ACSM3: variants seen among roughly 807,000 people sequenced by gnomAD.
ACSM3 encodes the protein acyl-coenzyme A synthetase ACSM3, mitochondrial.
ACSM3 carries 61 observed loss-of-function variants against 74.1 expected under a neutral mutation model. The observed-to-expected ratio is 0.82, with a 90% confidence interval of 0.67 to 1.02. ACSM3 has a LOEUF of 1.02. Among genes scored for constraint, ACSM3 ranks in the 50% least tolerant of loss-of-function variants. The pLI is 0.00. For synonymous variants in ACSM3, 213 were observed against 241.5 expected (o/e 0.88, Z 1.09); for missense variants, 660 against 697.0 (o/e 0.95, Z 0.60).
At chr16:20,755,028 T>C (rs1361241710) in intron 2 of ACSM3, among the ~76,000 whole-genome samples, 1 of 152,064 alleles carries the variant, frequency 6.6e-6, no homozygotes, top group Non-Finnish European at 1.5e-5. Context: ...CCAGTGTCCA[T>C]AGAGACCATG....
chr16:20,688,167 A>T (rs980474478), intron 1 of ACSM3, among the ~76,000 whole-genome samples: 1 of 152,164 alleles, frequency 6.6e-6, no homozygotes, highest in Non-Finnish European at 1.5e-5. Flanking sequence ...TAAATTGAAA[A>T]TTCACTAGGG....
At chr16:20,764,373 T>C (rs1052688212) in intron 1 of ACSM3, among the ~76,000 whole-genome samples, 3 of 152,224 alleles carry the variant, frequency 2.0e-5, no homozygotes, top group African/African-American at 7.2e-5. Flanking sequence ...TTGGTGCTAT[T>C]TGATTTTTTG....
chr16:20,711,564 T>G, intron 1 of ACSM3: 1 of 1,414,160 alleles, frequency 7.1e-7, no homozygotes, highest in Non-Finnish European at 9.8e-7. Flanking sequence ...TTGTGGCCAG[T>G]GAGGAGGTGG....
intron 1 of ACSM3, among the ~76,000 whole-genome samples, chr16:20,687,878 G>T (rs2079581436): frequency 6.6e-6 from 1 of 152,162 alleles, no homozygotes; most frequent in African/African-American, 2.4e-5. Context: ...GAGGTCAGGA[G>T]TTTGAGACCA....
chr16:20,734,700 T>C (rs2079854289), intron 1 of ACSM3: 1 of 152,232 alleles, frequency 6.6e-6, no homozygotes, highest in Non-Finnish European at 1.5e-5. Context: ...GCCTTTTCAA[T>C]TGTTTTACCC....
intron 1 of ACSM3, among the ~76,000 whole-genome samples, chr16:20,743,355 A>T (rs1348053681): frequency 3.9e-5 from 6 of 152,044 alleles, no homozygotes; most frequent in Admixed American, 6.6e-5. Context: ...TTTCACTTAA[A>T]ACCAAGGATG....
At chr16:20,699,294 C>A (rs1458609253) in intron 1 of ACSM3, among the ~76,000 whole-genome samples, 1 of 152,146 alleles carries the variant, frequency 6.6e-6, no homozygotes, top group East Asian at 1.9e-4. Flanking sequence ...GACTTTTCTA[C>A]TGGAGCCATT....
chr16:20,688,040 G>A (rs1185009618), intron 1 of ACSM3, among the ~76,000 whole-genome samples: 4 of 151,288 alleles, frequency 2.6e-5, no homozygotes, highest in African/African-American at 7.3e-5. Flanking sequence ...AGCTGAGATC[G>A]TGCCACTGCG....
intron 1 of ACSM3, among the ~76,000 whole-genome samples, chr16:20,747,812 T>G (rs917574811): frequency 6.6e-6 from 1 of 152,186 alleles, no homozygotes; most frequent in Non-Finnish European, 1.5e-5. Context: ...AACACTGATA[T>G]AAGAAATATA....
At chr16:20,685,401 C>T in intron 1 of ACSM3, 1 of 1,614,128 alleles carries the variant, frequency 6.2e-7, no homozygotes, top group Non-Finnish European at 8.5e-7. Flanking sequence ...CTCTCTTGCC[C>T]TCCTGGTCAA....
chr16:20,698,478 CCTT>C (rs2079702244), intron 1 of ACSM3, among the ~76,000 whole-genome samples: 2 of 152,000 alleles, frequency 1.3e-5, no homozygotes, highest in South Asian at 4.2e-4. Flanking sequence ...TCTTTGTGGA[CCTT>C]CTTGCTCTGG....
intron 9 of ACSM3, among the ~76,000 whole-genome samples, chr16:20,789,000 T>C (rs1165003131): frequency 1.3e-5 from 2 of 152,222 alleles, no homozygotes; most frequent in Non-Finnish European, 1.5e-5. Flanking sequence ...TTATTCTCCA[T>C]GCAGGCCACA....
chr16:20,791,396 A>G (rs759173130), intron 10 of ACSM3, among the ~76,000 whole-genome samples: 1 of 152,242 alleles, frequency 6.6e-6, no homozygotes, highest in Non-Finnish European at 1.5e-5. Context: ...TCTATTAATC[A>G]ATTAGCAAAA....
intron 1 of ACSM3, among the ~76,000 whole-genome samples, chr16:20,766,419 C>T (rs999666730): frequency 6.6e-6 from 1 of 151,722 alleles, no homozygotes; most frequent in African/African-American, 2.4e-5. Flanking sequence ...TTTGGGAGGC[C>T]GTGTGCGTGT....
chr16:20,741,326 G>T (rs1056248910), intron 1 of ACSM3, among the ~76,000 whole-genome samples: 1 of 152,224 alleles, frequency 6.6e-6, no homozygotes, highest in African/African-American at 2.4e-5. Context: ...GCACAAAACC[G>T]ATAGCACCGA....
chr16:20,758,268 T>C (rs200932846), intron 3 of ACSM3, among the ~76,000 whole-genome samples: 75 of 152,252 alleles, frequency 4.9e-4, no homozygotes, highest in Non-Finnish European at 9.0e-4. Context: ...TGGTCCTGGA[T>C]TCTTTTTGGT....
At chr16:20,702,458 C>T (rs2079715372) in intron 1 of ACSM3, among the ~76,000 whole-genome samples, 1 of 152,182 alleles carries the variant, frequency 6.6e-6, no homozygotes, top group Non-Finnish European at 1.5e-5. Flanking sequence ...GTGATCTGCC[C>T]ATCTTGGCCT....
intron 1 of ACSM3, among the ~76,000 whole-genome samples, chr16:20,732,098 A>G (rs988754798): frequency 1.3e-5 from 2 of 152,210 alleles, no homozygotes; most frequent in Non-Finnish European, 2.9e-5. Flanking sequence ...AAATTCAAAG[A>G]ACATACCTGT....
intron 1 of ACSM3, among the ~76,000 whole-genome samples, chr16:20,739,343 T>G (rs1452086329): frequency 6.6e-6 from 1 of 151,866 alleles, no homozygotes; most frequent in Non-Finnish European, 1.5e-5. Context: ...ACACAGCTAA[T>G]TTTTGTATTT....
Sources: allele counts gnomAD v4.1 joint callset (sites outside exome capture counted in the v4.1 genomes callset), GRCh38; gene constraint gnomAD v4.1.1; transcripts MANE v1.5; gene names NCBI Gene and HGNC (gene_info 2026-07-23, HGNC 2026-07-21).